The following TMEM135 variants were observed in gnomAD, a reference collection of about 807,000 sequenced individuals.
TMEM135 encodes the protein transmembrane protein 135, also known as peroxisomal membrane protein 52.
A neutral mutation model predicts 60.3 loss-of-function variants in TMEM135; 30 were observed. The observed-to-expected ratio is 0.50, with a 90% CI of 0.37 to 0.68. TMEM135 has a LOEUF of 0.68. Among genes scored for constraint, TMEM135 ranks in the 30% least tolerant of loss-of-function variants. The pLI is 0.00. For synonymous variants in TMEM135, 190 were observed against 186.7 expected, an observed-to-expected ratio of 1.02 and a Z score of -0.14; for missense variants, 468 against 548.8, an observed-to-expected ratio of 0.85 and a Z score of 1.47.
At chr11:87,093,005 C>G (rs939753879) in intron 4 of TMEM135, among the ~76,000 whole-genome samples, 2 of 151,906 alleles carry the variant, frequency 1.3e-5, no homozygotes, top group African/African-American at 4.8e-5. Context: ...AATTCTTATC[C>G]ATCCCCTCTT....
chr11:87,317,922 A>G (rs1188141827), intron 12 of TMEM135, among the ~76,000 whole-genome samples: 2 of 152,154 alleles, frequency 1.3e-5, no homozygotes, highest in Non-Finnish European at 2.9e-5. Flanking sequence ...GAATTTACAG[A>G]AAAGTACTAC....
chr11:87,101,364 A>G (rs943569888), intron 4 of TMEM135, among the ~76,000 whole-genome samples: 1 of 152,232 alleles, frequency 6.6e-6, no homozygotes, highest in Admixed American at 6.5e-5. Context: ...GACAATAACT[A>G]AGTTTTCCAA....
intron 4 of TMEM135, among the ~76,000 whole-genome samples, chr11:87,106,765 A>G (rs761857393): frequency 7.9e-5 from 12 of 152,164 alleles, no homozygotes; most frequent in Non-Finnish European, 1.2e-4. Context: ...GCATTGCTAT[A>G]AAGAGATATC....
At chr11:87,158,412 A>T (rs1458342867) in intron 5 of TMEM135, among the ~76,000 whole-genome samples, 1 of 152,116 alleles carries the variant, frequency 6.6e-6, no homozygotes, top group African/African-American at 2.4e-5. Flanking sequence ...ACATTTGAAA[A>T]GTATGTACAC....
At chr11:87,120,410 T>C (rs1349273422) in intron 4 of TMEM135, among the ~76,000 whole-genome samples, 1 of 151,786 alleles carries the variant, frequency 6.6e-6, no homozygotes, top group Non-Finnish European at 1.5e-5. Flanking sequence ...TCTGGACTAC[T>C]TTTTAGTCGT....
intron 4 of TMEM135, among the ~76,000 whole-genome samples, chr11:87,144,347 C>CT: frequency 6.6e-6 from 1 of 152,164 alleles, no homozygotes; most frequent in South Asian, 2.1e-4. Context: ...GTGTTTTTGG[C>CT]TATGCATGCC....
chr11:87,241,985 C>G (rs943850497), intron 6 of TMEM135, among the ~76,000 whole-genome samples: 1 of 151,796 alleles, frequency 6.6e-6, no homozygotes, highest in African/African-American at 2.4e-5. Context: ...AGGAGATATA[C>G]CTAATGCTCT....
intron 6 of TMEM135, among the ~76,000 whole-genome samples, chr11:87,271,257 C>A (rs1404267128): frequency 1.3e-5 from 2 of 152,104 alleles, no homozygotes; most frequent in Non-Finnish European, 2.9e-5. Context: ...CAATAACCAG[C>A]CCCCAAGAGC....
At position 87,111,946 on chromosome 11, in the gene TMEM135, G is replaced by T. The variant is rs1032456242; in HGVS notation, c.396+20551G>T. On this transcript the variant is annotated intron_variant, in intron 4 of 14. Coordinates refer to ENST00000305494, the MANE Select transcript of TMEM135 (RefSeq NM_022918.4). ...TTGAAAACTCAGGATTTGATCCTGG[G>T]TTTAGTGCTTTTACTCTGCTATTGT... is the stretch of plus-strand genomic sequence containing the variant. Among the ~76,000 whole-genome samples, 6 of 152,178 alleles carry T rather than the reference G, an allele frequency of 3.9e-5. No homozygotes were observed. The South Asian group carries it at 1.2e-3, about 32-fold the overall frequency.
intron 6 of TMEM135, among the ~76,000 whole-genome samples, chr11:87,250,238 C>T (rs547659471): frequency 4.6e-5 from 7 of 152,108 alleles, no homozygotes; most frequent in African/African-American, 1.7e-4. Context: ...ATCTATTTAT[C>T]TTTTCAAAAA....
At chr11:87,040,294 GGATAGTTGATTAAATGTA>G (rs1410934162) in intron 1 of TMEM135, among the ~76,000 whole-genome samples, 2 of 144,780 alleles carry the variant, frequency 1.4e-5, no homozygotes, top group African/African-American at 5.8e-5. Context: ...TGTGAGTGTT[GGATAGTTGATTAAATGTA>G]TACCCCCATG....
chr11:87,240,900 G>A (rs1221400304), intron 6 of TMEM135, among the ~76,000 whole-genome samples: 1 of 96,682 alleles, frequency 1.0e-5, no homozygotes, highest in Admixed American at 9.6e-5. Flanking sequence ...AATTGTCATA[G>A]CAGTTAATCT....
chr11:87,232,702 G>A (rs562503183), intron 5 of TMEM135, among the ~76,000 whole-genome samples: 9 of 152,240 alleles, frequency 5.9e-5, no homozygotes, highest in South Asian at 2.1e-4. Flanking sequence ...CACAAAGGTC[G>A]AGGGCAGAAA....
chr11:87,317,775 C>T (rs1222219536), intron 12 of TMEM135, among the ~76,000 whole-genome samples: 3 of 151,964 alleles, frequency 2.0e-5, no homozygotes, highest in South Asian at 2.1e-4. Flanking sequence ...TAGTGCCCGG[C>T]GTGTAGACAC....
chr11:87,069,833 C>T (rs892491276), intron 2 of TMEM135, among the ~76,000 whole-genome samples: 1 of 152,056 alleles, frequency 6.6e-6, no homozygotes, highest in African/African-American at 2.4e-5. Flanking sequence ...AGTTACATGT[C>T]CTCAATAGCT....
At chr11:87,285,872 G>C (rs938834470) in intron 6 of TMEM135, among the ~76,000 whole-genome samples, 5 of 152,148 alleles carry the variant, frequency 3.3e-5, no homozygotes, top group African/African-American at 7.2e-5. Flanking sequence ...GTTTTACAGA[G>C]AGCTGATTGG....
At chr11:87,124,596 A>G (rs915115657) in intron 4 of TMEM135, among the ~76,000 whole-genome samples, 1 of 152,176 alleles carries the variant, frequency 6.6e-6, no homozygotes, top group Non-Finnish European at 1.5e-5. Context: ...TGTGTCATAA[A>G]GGGTCGTGTG....
intron 4 of TMEM135, among the ~76,000 whole-genome samples, chr11:87,093,984 C>G (rs925671346): frequency 2.0e-5 from 3 of 152,148 alleles, no homozygotes; most frequent in African/African-American, 7.2e-5. Context: ...TAACATACCT[C>G]CACAGTACTT....
chr11:87,313,110 G>A (rs1942669253), intron 10 of TMEM135, among the ~76,000 whole-genome samples: 1 of 151,748 alleles, frequency 6.6e-6, no homozygotes. Context: ...CCAGCTTTTT[G>A]TTCTTGTTAA....
Sources: allele counts gnomAD v4.1 joint callset (sites outside exome capture counted in the v4.1 genomes callset), GRCh38; gene constraint gnomAD v4.1.1; transcripts MANE v1.5; gene names NCBI Gene and HGNC (gene_info 2026-07-23, HGNC 2026-07-21).